The following BRCA1 variants were observed in gnomAD, a reference collection of about 807,000 sequenced individuals.
BRCA1 encodes breast cancer type 1 susceptibility protein.
BRCA1 carries 140 observed loss-of-function variants against 173.7 expected under a neutral mutation model. That is an observed-to-expected ratio of 0.81 (90% confidence interval 0.70 to 0.93). The LOEUF (loss-of-function observed/expected upper bound fraction) is 0.93, where lower values mean the gene tolerates loss of function less well. Ranked by LOEUF, BRCA1 falls within the 40% of genes least tolerant of loss-of-function variation. BRCA1 has a pLI of 0.00. For missense variants in BRCA1, 1,983 were observed against 2,172.5 expected (o/e 0.91, Z 1.73); for synonymous variants, 662 against 756.0 (o/e 0.88, Z 2.04).
In BRCA1 at chr17:43,124,030, C is replaced by CT. The variant is rs80357783; in HGVS notation, c.66dup (p.Glu23ArgfsTer18). The CT allele has an allele frequency of 1.2e-6, 2 of 1,613,068 alleles. No homozygotes were observed. The highest frequency in any genetic ancestry group is 1.7e-6 in the Non-Finnish European group (2 of 1,179,130). On this transcript the variant is annotated frameshift_variant, in exon 2 of 23. Transcript: ENST00000357654. LOFTEE classifies it high-confidence loss of function. Reference sequence around the variant, plus strand: ...GTGCTGACTTACCAGATGGGACACTCTAAGATTTTCTGCATAGCATTAATG... The same window carrying CT: ...GTGCTGACTTACCAGATGGGACACTCTTAAGATTTTCTGCATAGCATTAATG...
At chr17:43,097,359 T>C in intron 7 of BRCA1, 70 bp from the exon 8 acceptor site, 1 of 1,271,314 alleles carries the variant, frequency 7.9e-7, no homozygotes. Context: ...AAAAATGTAC[T>C]TGTTGAAAAA....
intron 2 of BRCA1, among the ~76,000 whole-genome samples, chr17:43,119,581 T>A (rs894641865): frequency 1.3e-5 from 2 of 152,170 alleles, no homozygotes; most frequent in South Asian, 4.1e-4. Context: ...CAACCTGAGA[T>A]GACTTGGGAA....
rs370299792 is a variant in BRCA1, at chr17:43,067,594, G to C, written c.5074+14C>G. On this transcript the variant is annotated intron_variant, in intron 16 of 22. Coordinates refer to ENST00000357654, the MANE Select transcript of BRCA1 (RefSeq NM_007294.4). ...CAGCAGATGCAAGGTATTCTGTAAA[G>C]GTTCTTGGTATACCTGTTTTCATAA... 1 of 1,587,212 alleles carries C rather than the reference G, an allele frequency of 6.3e-7. No homozygotes were observed. Among genetic ancestry groups the C allele is most frequent in the East Asian group, 2.2e-5 (1 of 44,748 alleles).
At chr17:43,117,751 A>G (rs2055361667) in intron 2 of BRCA1, among the ~76,000 whole-genome samples, 1 of 152,124 alleles carries the variant, frequency 6.6e-6, no homozygotes, top group South Asian at 2.1e-4. Flanking sequence ...AATAATAATA[A>G]GCTTAAAAAT....
At chr17:43,106,662 A>G (rs2054805563) in intron 3 of BRCA1, 129 bp from the exon 4 acceptor site, 7 of 687,208 alleles carry the variant, frequency 1.0e-5, no homozygotes, top group Middle Eastern at 4.0e-4. Flanking sequence ...AAGTAATGGC[A>G]GGTGAATTAC....
At position 43,063,869 on chromosome 17, in the gene BRCA1, C is replaced by G. The variant is rs80358165; in HGVS notation, c.5152+5G>C. 1 of 1,609,770 alleles carries G rather than the reference C, an allele frequency of 6.2e-7. No homozygotes were observed. Among genetic ancestry groups the G allele is most frequent in the Non-Finnish European group, 8.5e-7 (1 of 1,176,094 alleles). On this transcript the variant is annotated splice_donor_5th_base_variant and intron_variant, in intron 17 of 22. Coordinates refer to ENST00000357654, the MANE Select transcript of BRCA1 (RefSeq NM_007294.4). ...GGAGGAGGGGAGAAATAGTATTATA[C>G]TTACAGAAATAGCTAACTACCCATT...
At chr17:43,153,286 T>C (rs2056174860) in intron 1 of BRCA1, among the ~76,000 whole-genome samples, 1 of 152,040 alleles carries the variant, frequency 6.6e-6, no homozygotes, top group Admixed American at 6.6e-5. Flanking sequence ...AAACCCAATT[T>C]CCCCTGAGAA....
intron 1 of BRCA1, among the ~76,000 whole-genome samples, chr17:43,152,872 A>G (rs1185449901): frequency 2.0e-5 from 3 of 150,906 alleles, no homozygotes; most frequent in Non-Finnish European, 4.4e-5. Context: ...CAAAAATAAA[A>G]AAATAAAAAA....
intron 1 of BRCA1, among the ~76,000 whole-genome samples, chr17:43,139,284 A>T (rs1255631489): frequency 7.3e-6 from 1 of 137,398 alleles, no homozygotes; most frequent in African/African-American, 2.8e-5. Flanking sequence ...AACGTTTGTT[A>T]TATAGCTAAA....
Position 43,092,200 on chromosome 17 carries a change from GCTT to G in BRCA1, c.3328_3330del (p.Lys1110del), listed in dbSNP as rs80358335. 1.6e-4 allele frequency: 264 copies of G among 1,612,992 alleles called. 1 individual carries two copies. In the South Asian group the frequency reaches 2.9e-3, roughly 17 times the overall value. On this transcript the variant is annotated inframe_deletion, in exon 10 of 23. Coordinates refer to ENST00000357654, the MANE Select transcript of BRCA1 (RefSeq NM_007294.4). ...GTCTGAACTACTTCTTCATATTCTT[GCTT>G]TTTTATTTCAGGATGCTTACAATTA...
chr17:43,125,022 G>A, intron 1 of BRCA1: 2 of 404,968 alleles, frequency 4.9e-6, no homozygotes, highest in South Asian at 3.6e-5. Flanking sequence ...CCCCCTCAAG[G>A]CATATTCCAG....
At chr17:43,074,593 C>T (rs942636280) in intron 13 of BRCA1, 72 bp from the exon 14 acceptor site, 1 of 1,384,548 alleles carries the variant, frequency 7.2e-7, no homozygotes, top group Admixed American at 1.8e-5. Flanking sequence ...TGCTGGGCAG[C>T]CAAAGCATAA....
At chr17:43,152,592 C>T (rs1038383361) in intron 1 of BRCA1, among the ~76,000 whole-genome samples, 1 of 152,088 alleles carries the variant, frequency 6.6e-6, no homozygotes, top group Admixed American at 6.6e-5. Flanking sequence ...TGGTGGCTCA[C>T]ACCTGTAATC....
At chr17:43,051,294 G>A (rs1436905904) in intron 19 of BRCA1, among the ~76,000 whole-genome samples, 177 bp from the exon 20 acceptor site, 1 of 152,214 alleles carries the variant, frequency 6.6e-6, no homozygotes, top group Non-Finnish European at 1.5e-5. Flanking sequence ...GCAGTCCAAT[G>A]TCCAGAACAC....
Position 43,067,524 on chromosome 17 carries a change from G to A in BRCA1, c.5074+84C>T, listed in dbSNP as rs181582137. ...CCGCCTCGGCCTCCCAAAGTGCTGC[G>A]ATTACAGGCATGCGCCACCGTGCCT... is the stretch of plus-strand genomic sequence containing the variant. On this transcript the variant is annotated intron_variant, in intron 16 of 22. Coordinates refer to ENST00000357654, the MANE Select transcript of BRCA1 (RefSeq NM_007294.4). The A allele has an allele frequency of 6.1e-6, 7 of 1,146,306 alleles. No homozygotes were observed. In the East Asian group the frequency reaches 7.3e-5, roughly 12 times the overall value. The allele number at this position is 1,146,306 out of a possible 1,614,324, so 71.0% of individuals were successfully genotyped here. A position where few individuals can be genotyped will look rare whatever the true frequency, so the allele number is the denominator to read the frequency against.
chr17:43,131,584 G>A (rs913515107), intron 1 of BRCA1, among the ~76,000 whole-genome samples: 3 of 151,924 alleles, frequency 2.0e-5, no homozygotes, highest in Non-Finnish European at 4.4e-5. Context: ...AGCCAAATGT[G>A]GCAGCAGGCG....
intron 1 of BRCA1, among the ~76,000 whole-genome samples, chr17:43,155,953 A>C (rs558675955): frequency 4.6e-5 from 7 of 152,174 alleles, no homozygotes; most frequent in Non-Finnish European, 1.0e-4. Context: ...AAAGGATCAC[A>C]AGGGCCAGGT....
rs553252669 is a variant in BRCA1, at chr17:43,135,207, C to T, written c.-19-11092G>A. 1.2e-4 allele frequency among the ~76,000 whole-genome samples: 19 copies of T among 152,358 alleles called. 1 individual carries two copies. In the South Asian group the frequency reaches 3.3e-3, roughly 27 times the overall value. On this transcript the variant is annotated intron_variant, in intron 1 of 7. Coordinates refer to the BRCA1 transcript ENST00000634433. Reference sequence around the variant, plus strand: ...CTTCCACCTTCAGCCAGAAGGCCTTCTCTGGTGCAGCCGTTGCTTCAGCCT... The same window carrying T: ...CTTCCACCTTCAGCCAGAAGGCCTTTTCTGGTGCAGCCGTTGCTTCAGCCT...
chr17:43,143,477 G>T (rs996522326), intron 1 of BRCA1, among the ~76,000 whole-genome samples: 6 of 152,242 alleles, frequency 3.9e-5, no homozygotes, highest in Admixed American at 1.3e-4. Context: ...CCTGGGATGG[G>T]GGTGCTGCTG....
Sources: allele counts gnomAD v4.1 joint callset (sites outside exome capture counted in the v4.1 genomes callset), GRCh38; gene constraint gnomAD v4.1.1; transcripts MANE v1.5; gene names NCBI Gene and HGNC (gene_info 2026-07-23, HGNC 2026-07-21).